CLIC4: variants seen among roughly 807,000 people sequenced by gnomAD.
The protein encoded by CLIC4 is CLIC family member 4.
A neutral mutation model predicts 24.6 loss-of-function variants in CLIC4; 13 were observed. The observed-to-expected ratio is 0.53, with a 90% confidence interval of 0.34 to 0.84. CLIC4 has a LOEUF of 0.84. Among genes scored for constraint, CLIC4 ranks in the 40% least tolerant of loss-of-function variants. The pLI, the probability that CLIC4 is intolerant of heterozygous loss-of-function variation, is 0.01. For synonymous variants in CLIC4, 104 were observed against 111.3 expected (o/e 0.93, Z 0.41); for missense variants, 227 against 301.7 (o/e 0.75, Z 1.83).
chr1:24,788,579 GT>G (rs1429673552), intron 1 of CLIC4, among the ~76,000 whole-genome samples: 1 of 152,150 alleles, frequency 6.6e-6, no homozygotes, highest in Non-Finnish European at 1.5e-5. Flanking sequence ...GATATGTGGT[GT>G]TTTGTTCCTT....
intron 2 of CLIC4, among the ~76,000 whole-genome samples, chr1:24,811,676 A>G (rs761515545): frequency 4.6e-5 from 7 of 151,906 alleles, no homozygotes; most frequent in African/African-American, 1.7e-4. Context: ...GGATCTCACT[A>G]TGTTGCCCAG....
rs568480458 is a variant in CLIC4 at position 24,805,161 on chromosome 1, T to C, written c.182+7310T>C. 8.0e-5 allele frequency among the ~76,000 whole-genome samples: 12 copies of C among 149,636 alleles called. No individual in the cohort carries two copies. In the South Asian group the frequency reaches 1.3e-3, roughly 16 times the overall value. On this transcript the variant is annotated intron_variant, in intron 2 of 5. Coordinates refer to ENST00000374379, the MANE Select transcript of CLIC4 (RefSeq NM_013943.3). Reference sequence around the variant, plus strand: ...TCCATATTTGAAATCTTTTCATGGGTACTATTTTTTTTGAAGTATTCCTCC... The same window carrying C: ...TCCATATTTGAAATCTTTTCATGGGCACTATTTTTTTTGAAGTATTCCTCC...
chr1:24,789,414 A>G (rs1262304235), intron 1 of CLIC4, among the ~76,000 whole-genome samples: 1 of 152,268 alleles, frequency 6.6e-6, no homozygotes, highest in East Asian at 1.9e-4. Flanking sequence ...GCTATTCGGG[A>G]GGTTGAGACA....
intron 1 of CLIC4, among the ~76,000 whole-genome samples, chr1:24,763,251 A>G (rs1329379860): frequency 2.6e-5 from 4 of 152,082 alleles, no homozygotes; most frequent in Admixed American, 6.6e-5. Context: ...CTACTAAAGA[A>G]AGAATTGGCT....
At position 24,796,023 on chromosome 1, in the gene CLIC4, C is replaced by CAAGG. The variant is rs566790194; in HGVS notation, c.73-1718_73-1715dup. 3.2e-3 allele frequency among the ~76,000 whole-genome samples: 488 copies of CAAGG among 152,284 alleles called. 1 individual carries two copies. Among genetic ancestry groups the CAAGG allele is most frequent in the Middle Eastern group, 6.8e-3 (2 of 294 alleles). On this transcript the variant is annotated intron_variant, in intron 1 of 5. Transcript: ENST00000374379. Reference sequence around the variant, plus strand: ...AACAGACTTTGCCTTTGCCCTGAGGCAAGGGTTTATGTACCCCCTAGGAAT... The same window carrying CAAGG: ...AACAGACTTTGCCTTTGCCCTGAGGCAAGGAAGGGTTTATGTACCCCCTAGGAAT...
intron 2 of CLIC4, among the ~76,000 whole-genome samples, chr1:24,799,405 T>C (rs1231057360): frequency 1.3e-5 from 2 of 148,888 alleles, no homozygotes; most frequent in South Asian, 2.1e-4. Flanking sequence ...GGAGACCCTC[T>C]GCCTGGCAAC....
intron 4 of CLIC4, among the ~76,000 whole-genome samples, chr1:24,836,562 G>T (rs554686514): frequency 6.6e-6 from 1 of 152,190 alleles, no homozygotes; most frequent in African/African-American, 2.4e-5. Context: ...CTAGAACGGG[G>T]CACAGTGGCT....
intron 1 of CLIC4, among the ~76,000 whole-genome samples, chr1:24,765,843 G>A (rs1050102360): frequency 7.7e-5 from 10 of 130,260 alleles, no homozygotes; most frequent in African/African-American, 2.0e-4. Flanking sequence ...ACAGAGTCTC[G>A]CTCTGTGACC....
chr1:24,783,708 A>C (rs1639233176), intron 1 of CLIC4, among the ~76,000 whole-genome samples: 1 of 152,202 alleles, frequency 6.6e-6, no homozygotes, highest in Non-Finnish European at 1.5e-5. Context: ...GTCTCAAAAA[A>C]ATAAAAAAGA....
chr1:24,816,234 GTTTT>G (rs71752506), intron 3 of CLIC4, among the ~76,000 whole-genome samples: 5 of 62,124 alleles, frequency 8.0e-5, no homozygotes, highest in African/African-American at 3.0e-4. Flanking sequence ...GAATGTTCGT[GTTTT>G]TTTTTTTTTT....
intron 1 of CLIC4, among the ~76,000 whole-genome samples, chr1:24,792,895 A>G (rs1199123984): frequency 6.6e-6 from 1 of 152,216 alleles, no homozygotes; most frequent in Non-Finnish European, 1.5e-5. Flanking sequence ...CCCATGCTCA[A>G]GGACTGGCTC....
intron 5 of CLIC4, 137 bp downstream of exon 5, chr1:24,840,178 AAG>A (rs1639928118): frequency 4.1e-6 from 3 of 723,046 alleles, no homozygotes; most frequent in Non-Finnish European, 6.7e-6. Flanking sequence ...GCAATAGTTG[AAG>A]CACCCTAGAG....
chr1:24,766,402 G>A (rs1250318193), intron 1 of CLIC4, among the ~76,000 whole-genome samples: 1 of 146,324 alleles, frequency 6.8e-6, no homozygotes, highest in Non-Finnish European at 1.5e-5. Context: ...AAAGTGCTAG[G>A]AATATAGGCA....
intron 3 of CLIC4, among the ~76,000 whole-genome samples, chr1:24,817,306 A>T (rs1042131425): frequency 6.6e-6 from 1 of 151,374 alleles, no homozygotes; most frequent in Non-Finnish European, 1.5e-5. Context: ...TTCTAGATAG[A>T]TCAGCTAGAT....
chr1:24,816,106 T>A (rs1487864673), intron 3 of CLIC4, among the ~76,000 whole-genome samples: 1 of 152,190 alleles, frequency 6.6e-6, no homozygotes, highest in Non-Finnish European at 1.5e-5. Flanking sequence ...TTTCAACACA[T>A]ATGTAGTTCC....
At chr1:24,823,175 TATTCTAGAGTTGCTTAA>T (rs1639752034) in intron 3 of CLIC4, among the ~76,000 whole-genome samples, 1 of 152,254 alleles carries the variant, frequency 6.6e-6, no homozygotes, top group African/African-American at 2.4e-5. Context: ...GGCAATTGTC[TATTCTAGAGTTGCTTAA>T]CATTGAGAGG....
At chr1:24,837,982 C>T (rs1159624400) in intron 4 of CLIC4, among the ~76,000 whole-genome samples, 1 of 152,174 alleles carries the variant, frequency 6.6e-6, no homozygotes, top group African/African-American at 2.4e-5. Context: ...GTTGCTCCAG[C>T]TCAGTGCGTG....
In CLIC4 at chr1:24,840,987, T is replaced by C. The variant is rs759642536; in HGVS notation, c.*50T>C. ...TTCATGTCTTCCCCTAAGAATACGC[T>C]TTTCCTAACAGGCTACTCCTTCCTG... On this transcript the variant is annotated 3_prime_UTR_variant, in exon 6 of 6. Coordinates refer to ENST00000374379, the MANE Select transcript of CLIC4 (RefSeq NM_013943.3). 3 of 1,496,740 alleles carry C rather than the reference T, an allele frequency of 2.0e-6. No homozygotes were observed. The highest frequency in any genetic ancestry group is 4.1e-5 in the Admixed American group (2 of 48,518). The allele number at this position is 1,496,740 out of a possible 1,614,324, so 92.7% of individuals were successfully genotyped here.
chr1:24,806,202 A>G (rs905531568), intron 2 of CLIC4, among the ~76,000 whole-genome samples: 5 of 152,250 alleles, frequency 3.3e-5, no homozygotes, highest in Admixed American at 2.0e-4. Flanking sequence ...TCAAACTGCA[A>G]TTCTTACAGT....
Sources: gnomAD v4.1 joint callset for allele counts (sites outside exome capture counted in the v4.1 genomes callset) on GRCh38, gnomAD v4.1.1 for gene constraint, MANE v1.5 for transcripts, NCBI Gene and HGNC (gene_info 2026-07-23, HGNC 2026-07-21) for gene names.